The following DLGAP1 variants were observed in gnomAD, a reference collection of about 807,000 sequenced individuals.
DLGAP1 encodes DLG associated protein 1.
A neutral mutation model predicts 90.8 loss-of-function variants in DLGAP1; 11 were observed. The observed-to-expected ratio is 0.12, with a 90% CI of 0.08 to 0.20. The LOEUF is 0.20. Ranked by LOEUF, DLGAP1 falls within the 10% of genes least tolerant of loss-of-function variation. The pLI is 1.00. For synonymous variants in DLGAP1, 558 were observed against 540.7 expected, an observed-to-expected ratio of 1.03 and a Z score of -0.44; for missense variants, 1,050 against 1,333.8, an observed-to-expected ratio of 0.79 and a Z score of 3.31.
chr18:4,394,922 G>A (rs1158213891), intron 1 of DLGAP1, among the ~76,000 whole-genome samples: 3 of 152,122 alleles, frequency 2.0e-5, no homozygotes, highest in Non-Finnish European at 2.9e-5. Flanking sequence ...ACCTTCATTC[G>A]GCCCTACTGT....
At chr18:3,525,489 T>G (rs2051555645) in intron 10 of DLGAP1, among the ~76,000 whole-genome samples, 1 of 152,144 alleles carries the variant, frequency 6.6e-6, no homozygotes, top group Admixed American at 6.5e-5. Context: ...AACCTCCACC[T>G]CCTGGGTTCA....
intron 1 of DLGAP1, among the ~76,000 whole-genome samples, chr18:4,301,049 G>A (rs1483108917): frequency 6.6e-6 from 1 of 151,754 alleles, no homozygotes; most frequent in Non-Finnish European, 1.5e-5. Flanking sequence ...GTTATATTAT[G>A]GTATATGAAT....
intron 2 of DLGAP1, among the ~76,000 whole-genome samples, chr18:4,087,088 T>TCTATAC (rs2075696358): frequency 1.2e-5 from 1 of 83,048 alleles, no homozygotes; most frequent in Non-Finnish European, 2.9e-5. Flanking sequence ...CATATATGTA[T>TCTATAC]ATATGTATAT....
At chr18:3,618,158 A>C (rs1261309747) in intron 7 of DLGAP1, among the ~76,000 whole-genome samples, 1 of 152,228 alleles carries the variant, frequency 6.6e-6, no homozygotes, top group Non-Finnish European at 1.5e-5. Context: ...AATGTCAGAG[A>C]ATTCAGATCC....
rs147725119 is a variant in DLGAP1 at position 4,219,087 on chromosome 18, ATAATT to A, written c.-266-67805_-266-67801del. Among the ~76,000 whole-genome samples the A allele has an allele frequency of 6.9e-3, 1,000 of 145,004 alleles. 7 individuals carry two copies. Among genetic ancestry groups the A allele is most frequent in the African/African-American group, 0.024 (935 of 38,352 alleles). On this transcript the variant is annotated intron_variant, in intron 1 of 12. Coordinates refer to ENST00000315677, the MANE Select transcript of DLGAP1 (RefSeq NM_004746.4). Reference sequence around the variant, plus strand: ...CAAATTGTTTTCCATAATGGCTATAATAATTTAAATTCCCATCAACAGTTCCTTTT... The same window carrying A: ...CAAATTGTTTTCCATAATGGCTATAATAAATTCCCATCAACAGTTCCTTTT...
rs530319185 is a variant in DLGAP1, at chr18:3,640,662, T to C, written c.1592-58414A>G. ...ATACCATGCTTGCAAATGAAAGATG[T>C]TTCCTAGCTGAGGGCCAAAGACGTG... On this transcript the variant is annotated intron_variant, in intron 7 of 12. Coordinates refer to ENST00000315677, the MANE Select transcript of DLGAP1 (RefSeq NM_004746.4). 2.4e-4 allele frequency among the ~76,000 whole-genome samples: 37 copies of C among 152,334 alleles called. No homozygotes were observed. The South Asian group carries it at 7.7e-3, about 32-fold the overall frequency.
chr18:4,000,860 G>A (rs1295365743), intron 3 of DLGAP1, among the ~76,000 whole-genome samples: 1 of 152,112 alleles, frequency 6.6e-6, no homozygotes, highest in African/African-American at 2.4e-5. Flanking sequence ...TTATTTAAAG[G>A]TCAATAGTTT....
intron 1 of DLGAP1, among the ~76,000 whole-genome samples, chr18:4,247,265 A>G (rs1330592686): frequency 6.6e-6 from 1 of 152,222 alleles, no homozygotes; most frequent in Admixed American, 6.5e-5. Context: ...AATCTTTAGA[A>G]CCACCAGCTA....
chr18:3,989,825 T>C (rs943704732), intron 3 of DLGAP1, among the ~76,000 whole-genome samples: 19 of 152,152 alleles, frequency 1.2e-4, no homozygotes, highest in Admixed American at 2.6e-4. Flanking sequence ...GGGTGAAGGA[T>C]ATGAACAGAC....
chr18:4,104,890 G>C (rs1053005186), intron 2 of DLGAP1, among the ~76,000 whole-genome samples: 8 of 152,150 alleles, frequency 5.3e-5, no homozygotes, highest in Non-Finnish European at 1.0e-4. Flanking sequence ...TATTAAGTTT[G>C]TCTGATCTTC....
chr18:3,604,418 A>C (rs951261182), intron 7 of DLGAP1: 7 of 150,676 alleles, frequency 4.6e-5, no homozygotes, highest in Admixed American at 3.3e-4. Context: ...TGTACTTCAA[A>C]TTAAGGAGCA....
intron 1 of DLGAP1, among the ~76,000 whole-genome samples, chr18:4,161,570 T>C (rs1345086741): frequency 6.6e-6 from 1 of 152,214 alleles, no homozygotes; most frequent in Non-Finnish European, 1.5e-5. Context: ...TCCCTGTTCT[T>C]ATAAATAAAT....
chr18:3,533,300 A>T (rs78084289), intron 10 of DLGAP1, among the ~76,000 whole-genome samples: 1 of 152,118 alleles, frequency 6.6e-6, no homozygotes, highest in East Asian at 1.9e-4. Flanking sequence ...TCCATTATTT[A>T]TTTTATGTAT....
intron 1 of DLGAP1, among the ~76,000 whole-genome samples, chr18:4,229,528 C>T (rs928812392): frequency 1.4e-4 from 22 of 151,818 alleles, no homozygotes; most frequent in Admixed American, 7.2e-4. Flanking sequence ...ATTCATACAT[C>T]GACAGTGAAC....
chr18:4,411,816 G>A (rs2144616038), intron 1 of DLGAP1, among the ~76,000 whole-genome samples: 1 of 152,262 alleles, frequency 6.6e-6, no homozygotes, highest in East Asian at 1.9e-4. Context: ...GCACCTAACA[G>A]CATGATGGCT....
rs3745051 is a variant in DLGAP1, at chr18:3,729,175, C to T, written c.1551G>A (p.Pro517=). 218,700 of 1,612,722 alleles carry T rather than the reference C, an allele frequency of 0.14. 18,210 individuals carry two copies. Among genetic ancestry groups the T allele is most frequent in the East Asian group, 0.34 (15,147 of 44,818 alleles). ...TGGTCCTAACGGTGGTGGTGGTGCG[C>T]GGCGGCGAGGACGACCTCAGGGACA... ...ECVSLRSSSP[P]RTTTTVRTIQ... The change falls in exon 7 of 13, where the codon CCG becomes CCA. Residue 517 remains proline (P), a synonymous_variant. Coordinates refer to ENST00000315677, the MANE Select transcript of DLGAP1 (RefSeq NM_004746.4). The surrounding 1 kb of genome is among the most constrained non-coding windows in gnomAD (Gnocchi z 6.2).
rs1274188741 is a variant in DLGAP1 at position 3,711,615 on chromosome 18, G to T, written c.1591+17520C>A. Among the ~76,000 whole-genome samples the T allele has an allele frequency of 6.6e-6, 1 of 152,110 alleles. No individual in the cohort carries two copies. Among genetic ancestry groups the T allele is most frequent in the Non-Finnish European group, 1.5e-5 (1 of 68,012 alleles). Reference sequence around the variant, plus strand: ...GCACTTTGGGAGGCTGAGGCAGGAGGATCACTTGAGCCCAGGAGTCTGAGA... The same window carrying T: ...GCACTTTGGGAGGCTGAGGCAGGAGTATCACTTGAGCCCAGGAGTCTGAGA... On this transcript the variant is annotated intron_variant, in intron 7 of 12. Coordinates refer to ENST00000315677, the MANE Select transcript of DLGAP1 (RefSeq NM_004746.4). The surrounding 1 kb of genome is among the most constrained non-coding windows in gnomAD (Gnocchi z 4.0).
intron 7 of DLGAP1, among the ~76,000 whole-genome samples, chr18:3,585,211 G>A (rs1023396453): frequency 1.3e-5 from 2 of 152,218 alleles, no homozygotes; most frequent in African/African-American, 4.8e-5. Flanking sequence ...CTTCCCACTA[G>A]CCCACAGCTA....
chr18:4,366,872 T>C (rs1279400491), intron 1 of DLGAP1, among the ~76,000 whole-genome samples: 1 of 151,912 alleles, frequency 6.6e-6, no homozygotes, highest in Non-Finnish European at 1.5e-5. Context: ...CTTTAAGCCA[T>C]AAATCAAATG....
Sources: gnomAD v4.1 joint callset for allele counts (sites outside exome capture counted in the v4.1 genomes callset) on GRCh38, gnomAD v4.1.1 for gene constraint, Gnocchi (gnomAD v3.1) non-coding constraint, MANE v1.5 for transcripts, NCBI Gene and HGNC (gene_info 2026-07-23, HGNC 2026-07-21) for gene names.